The following DYNC2I1 variants were observed in gnomAD, a reference collection of about 807,000 sequenced individuals.
DYNC2I1 encodes dynein 2 intermediate chain 1, also known as cytoplasmic dynein 2 intermediate chain 1.
DYNC2I1 carries 89 observed loss-of-function variants against 133.4 expected under a neutral mutation model. The ratio of observed to expected loss-of-function variants is 0.67; its 90% CI spans 0.56 to 0.80. The LOEUF (loss-of-function observed/expected upper bound fraction) is 0.80. DYNC2I1 is among the 30% of genes least tolerant of loss of function. DYNC2I1 has a pLI of 0.00. For missense variants in DYNC2I1, 1,291 were observed against 1,314.5 expected, an observed-to-expected ratio of 0.98 and a Z score of 0.28; for synonymous variants, 504 against 484.3, an observed-to-expected ratio of 1.04 and a Z score of -0.54.
chr7:158,901,829 G>A lies in DYNC2I1; in HGVS notation c.1137+13G>A, dbSNP rs778263002. On this transcript the variant is annotated intron_variant, in intron 9 of 24. Coordinates refer to ENST00000407559, the MANE Select transcript of DYNC2I1 (RefSeq NM_018051.5). ...AGATGATTTTGAAGTATGTATAAAA[G>A]TTAAAACTTTCCTTAGCTTAAAAAT... is the stretch of plus-strand genomic sequence containing the variant. 2.6e-6 allele frequency: 4 copies of A among 1,532,260 alleles called. No homozygotes were observed. The Admixed American group carries it at 6.5e-5, about 25-fold the overall frequency. The allele number at this position is 1,532,260 out of a possible 1,614,324, so 94.9% of individuals were successfully genotyped here. A position where few individuals can be genotyped will look rare whatever the true frequency, so the allele number is the denominator to read the frequency against.
At chr7:158,926,545 GCGGGA>G in intron 19 of DYNC2I1, 82 bp downstream of exon 19, 2 of 1,454,808 alleles carry the variant, frequency 1.4e-6, no homozygotes, top group South Asian at 2.4e-5. Context: ...GGCGCAGGGG[GCGGGA>G]CCCAGTTAGC....
downstream of DYNC2I1, among the ~76,000 whole-genome samples, chr7:158,948,005 A>G (rs1447684387): frequency 6.6e-6 from 1 of 152,216 alleles, no homozygotes; most frequent in Non-Finnish European, 1.5e-5. Flanking sequence ...CAAAAAGGCC[A>G]ACGATCTGCC....
intron 20 of DYNC2I1, among the ~76,000 whole-genome samples, chr7:158,928,762 G>A (rs1448767616): frequency 8.2e-6 from 1 of 121,536 alleles, no homozygotes; most frequent in Non-Finnish European, 1.9e-5. Flanking sequence ...GTTAGTGATG[G>A]GGCGAGACCC....
chr7:158,896,900 G>A (rs572585833), intron 8 of DYNC2I1, among the ~76,000 whole-genome samples: 1 of 151,176 alleles, frequency 6.6e-6, no homozygotes, highest in South Asian at 2.1e-4. Context: ...TCTTTGTCTG[G>A]ATCATGCTGG....
chr7:158,940,712 A>G (rs895125375), intron 23 of DYNC2I1, among the ~76,000 whole-genome samples: 2 of 152,344 alleles, frequency 1.3e-5, no homozygotes, highest in Admixed American at 6.5e-5. Flanking sequence ...CATGGAAATT[A>G]AACATCTTCC....
the DYNC2I1 span, among the ~76,000 whole-genome samples, chr7:158,846,683 T>A: frequency 6.6e-6 from 1 of 152,234 alleles, no homozygotes; most frequent in Non-Finnish European, 1.5e-5. Flanking sequence ...CCTTAATTTT[T>A]AAATTCTATA....
chr7:158,920,675 T>A (rs1047573480), intron 15 of DYNC2I1, among the ~76,000 whole-genome samples: 15 of 151,792 alleles, frequency 9.9e-5, no homozygotes, highest in African/African-American at 3.6e-4. Context: ...GTTCAAGGAG[T>A]GGAGGGTCTT....
chr7:158,956,682 A>G (rs1198716482), exon 5 of DYNC2I1: 3 of 152,468 alleles, frequency 2.0e-5, no homozygotes, highest in African/African-American at 4.8e-5. Context: ...CCCTGTCCCC[A>G]GGCAAGTCGC....
At chr7:158,941,543 A>G (rs576813527) in intron 23 of DYNC2I1, among the ~76,000 whole-genome samples, 1 of 152,186 alleles carries the variant, frequency 6.6e-6, no homozygotes, top group South Asian at 2.1e-4. Flanking sequence ...AAGCAAGCTC[A>G]TCCTCCAAAA....
chr7:158,931,590 T>C (rs1850222894), intron 21 of DYNC2I1, among the ~76,000 whole-genome samples: 1 of 152,194 alleles, frequency 6.6e-6, no homozygotes, highest in Non-Finnish European at 1.5e-5. Context: ...TATGGTGCAT[T>C]GTATTTATCT....
At chr7:158,842,680 C>T in the DYNC2I1 span, among the ~76,000 whole-genome samples, 1 of 152,238 alleles carries the variant, frequency 6.6e-6, no homozygotes, top group South Asian at 2.1e-4. Context: ...TGAAGAAGGT[C>T]ATAGTGACGT....
At position 158,879,960 on chromosome 7, in the gene DYNC2I1, A is replaced by G. The variant is rs775120763; in HGVS notation, c.850A>G (p.Lys284Glu). The G allele has an allele frequency of 1.2e-6, 2 of 1,602,524 alleles. No homozygotes were observed. The highest frequency in any genetic ancestry group is 4.5e-5 in the East Asian group (2 of 44,832). Residue 284 changes from lysine (K) to glutamate (E), a missense_variant, in exon 5 of 25, where the codon AAA becomes GAA. Physicochemically the swap from Lys to Glu is moderately conservative, Grantham distance 56 (BLOSUM62 1). Coordinates refer to ENST00000407559, the MANE Select transcript of DYNC2I1 (RefSeq NM_018051.5). Reference sequence around the variant, plus strand: ...CGTGGATAGAAAAGAGAAATCGGCAAAAGATGAGCCCAGGAAAAGGGAATC... The same window carrying G: ...CGTGGATAGAAAAGAGAAATCGGCAGAAGATGAGCCCAGGAAAAGGGAATC... The part of the protein sequence containing the change: ...SNVDRKEKSA[K>E]DEPRKRESQN...
At chr7:158,851,454 G>A in the DYNC2I1 span, among the ~76,000 whole-genome samples, 9 of 149,186 alleles carry the variant, frequency 6.0e-5, no homozygotes, top group Non-Finnish European at 8.9e-5. Flanking sequence ...CCTAGGAGGC[G>A]GAGGTTGCAG....
intron 1 of DYNC2I1, among the ~76,000 whole-genome samples, chr7:158,865,565 A>C (rs984073506): frequency 4.6e-5 from 7 of 152,196 alleles, no homozygotes. Context: ...TGAAGACCGC[A>C]GGCTCCAGTT....
chr7:158,927,792 T>A (rs940928378), intron 20 of DYNC2I1, among the ~76,000 whole-genome samples: 1 of 152,178 alleles, frequency 6.6e-6, no homozygotes, highest in Non-Finnish European at 1.5e-5. Context: ...CTTGAGGTCA[T>A]CCACCCACCT....
chr7:158,863,712 G>A (rs1479162775), intron 1 of DYNC2I1, among the ~76,000 whole-genome samples: 3 of 90,504 alleles, frequency 3.3e-5, no homozygotes, highest in Admixed American at 1.1e-4. Context: ...GTGTGGGGGG[G>A]GCGGTGAGCG....
chr7:158,942,948 T>A (rs945043298), intron 24 of DYNC2I1, among the ~76,000 whole-genome samples: 1 of 152,246 alleles, frequency 6.6e-6, no homozygotes, highest in East Asian at 1.9e-4. Context: ...ACGAAAGCTT[T>A]CGTCATGAGG....
chr7:158,875,759 G>A (rs1389003038), intron 3 of DYNC2I1, among the ~76,000 whole-genome samples: 1 of 152,126 alleles, frequency 6.6e-6, no homozygotes, highest in Non-Finnish European at 1.5e-5. Context: ...AGGAGGTTTG[G>A]GGGCTGCTCT....
At chr7:158,878,031 G>GA (rs1843528571) in intron 4 of DYNC2I1, among the ~76,000 whole-genome samples, 1 of 152,126 alleles carries the variant, frequency 6.6e-6, no homozygotes, top group Admixed American at 6.5e-5. Context: ...GCCATGTGGA[G>GA]GGGCCAGGAG....
Sources: allele counts gnomAD v4.1 joint callset (sites outside exome capture counted in the v4.1 genomes callset), GRCh38; gene constraint gnomAD v4.1.1; transcripts MANE v1.5; gene names NCBI Gene and HGNC (gene_info 2026-07-23, HGNC 2026-07-21).